The following SRGAP3 variants were observed in gnomAD, a reference collection of about 807,000 sequenced individuals.
The protein encoded by SRGAP3 is SLIT-ROBO Rho GTPase-activating protein 3.
Under a neutral mutation model 121.1 loss-of-function variants are expected in SRGAP3, and 39 were observed. The ratio of observed to expected loss-of-function variants is 0.32; its 90% CI spans 0.25 to 0.42. SRGAP3 has a LOEUF of 0.42. Ranked by LOEUF, SRGAP3 falls within the 10% of genes least tolerant of loss-of-function variation. SRGAP3 has a pLI of 1.00. For synonymous variants in SRGAP3, 601 were observed against 570.0 expected, an observed-to-expected ratio of 1.05 and a Z score of -0.77; for missense variants, 1,213 against 1,470.6, an observed-to-expected ratio of 0.82 and a Z score of 2.86.
chr3:9,115,642 AAAAAAAAAATTGT>A (rs2124949402), intron 2 of SRGAP3, among the ~76,000 whole-genome samples: 1 of 130,532 alleles, frequency 7.7e-6, no homozygotes, highest in East Asian at 2.0e-4. Context: ...CCCCTCATTT[AAAAAAAAAATTGT>A]GGAGGATAAA....
rs77622890 is a variant in SRGAP3 at position 9,027,379 on chromosome 3, A to T, written c.1540-384T>A. Among the ~76,000 whole-genome samples, 541 of 152,210 alleles carry T rather than the reference A, an allele frequency of 3.6e-3. 1 individual carries two copies. The highest frequency in any genetic ancestry group is 5.6e-3 in the Non-Finnish European group (382 of 68,002). ...TGTCCCAACTCAACACTATTTTCTC[A>T]GTGCTCAAGGATCAAGTCCTCATCC... is the stretch of plus-strand genomic sequence containing the variant. On this transcript the variant is annotated intron_variant, in intron 12 of 21. Transcript: ENST00000383836.
intron 1 of SRGAP3, among the ~76,000 whole-genome samples, chr3:9,238,971 C>T (rs185490483): frequency 2.6e-5 from 4 of 152,334 alleles, no homozygotes; most frequent in African/African-American, 9.6e-5. Context: ...TGATAAACCA[C>T]AACAGATGTC....
chr3:9,071,271 CCCT>C (rs748335980), intron 4 of SRGAP3, among the ~76,000 whole-genome samples: 82 of 152,216 alleles, frequency 5.4e-4, no homozygotes, highest in Non-Finnish European at 9.7e-4. Flanking sequence ...GGGAATAGCC[CCCT>C]AATTTTATTT....
intron 12 of SRGAP3, among the ~76,000 whole-genome samples, chr3:9,029,754 A>G (rs142497696): frequency 1.5e-3 from 233 of 152,330 alleles, no homozygotes; most frequent in African/African-American, 5.5e-3. Flanking sequence ...ACTGTGCTGT[A>G]AAACATTGAC....
intron 4 of SRGAP3, among the ~76,000 whole-genome samples, chr3:9,065,779 G>C (rs1423688666): frequency 2.0e-5 from 3 of 152,130 alleles, no homozygotes; most frequent in Non-Finnish European, 4.4e-5. Flanking sequence ...AGCTATTTTT[G>C]AATAAGGCTG....
chr3:9,191,009 T>C, intron 1 of SRGAP3, among the ~76,000 whole-genome samples: 1 of 152,182 alleles, frequency 6.6e-6, no homozygotes, highest in East Asian at 1.9e-4. Flanking sequence ...TTGGGAAGTC[T>C]TCCCTTACTC....
intron 1 of SRGAP3, among the ~76,000 whole-genome samples, chr3:9,214,070 C>G (rs959949176): frequency 5.3e-5 from 8 of 151,082 alleles, no homozygotes; most frequent in Non-Finnish European, 1.0e-4. Flanking sequence ...GTTACTTAAC[C>G]CTTTTATTGA....
At chr3:9,229,623 C>T (rs1276526872) in intron 1 of SRGAP3, among the ~76,000 whole-genome samples, 1 of 152,202 alleles carries the variant, frequency 6.6e-6, no homozygotes, top group Admixed American at 6.5e-5. Context: ...CCAAAAGCCA[C>T]TGGACAAGGG....
chr3:9,204,600 A>G (rs1284676941), intron 1 of SRGAP3, among the ~76,000 whole-genome samples: 1 of 152,060 alleles, frequency 6.6e-6, no homozygotes, highest in Non-Finnish European at 1.5e-5. Flanking sequence ...CCTCTGCCCC[A>G]GAGGGGGAAA....
intron 1 of SRGAP3, among the ~76,000 whole-genome samples, chr3:9,131,642 A>G (rs144338193): frequency 3.3e-5 from 5 of 151,888 alleles, no homozygotes; most frequent in African/African-American, 4.8e-5. Flanking sequence ...GGGTTTCACC[A>G]TGTTGGCCAG....
intron 2 of SRGAP3, among the ~76,000 whole-genome samples, chr3:9,122,759 A>G (rs1949063492): frequency 6.6e-6 from 1 of 151,920 alleles, no homozygotes; most frequent in Non-Finnish European, 1.5e-5. Flanking sequence ...GAAGCACGGT[A>G]TTTGCAAATG....
At chr3:9,267,272 A>C (rs1377087321) in intron 3 of SRGAP3, among the ~76,000 whole-genome samples, 1 of 152,184 alleles carries the variant, frequency 6.6e-6, no homozygotes, top group East Asian at 1.9e-4. Flanking sequence ...ACACCTTGTT[A>C]ATTGTGCCCA....
At chr3:8,991,039 T>C (rs986596214) in intron 20 of SRGAP3, among the ~76,000 whole-genome samples, 200 bp from the exon 21 acceptor site, 2 of 152,192 alleles carry the variant, frequency 1.3e-5, no homozygotes, top group Non-Finnish European at 2.9e-5. Flanking sequence ...GGAGGTCTAA[T>C]CTGTAAACAT....
At chr3:9,114,044 T>C (rs1948721466) in intron 2 of SRGAP3, among the ~76,000 whole-genome samples, 1 of 152,192 alleles carries the variant, frequency 6.6e-6, no homozygotes, top group Non-Finnish European at 1.5e-5. Context: ...GACAGAGTCA[T>C]CCTGAAGGGG....
At chr3:9,318,059 C>T (rs1265676289) in intron 3 of SRGAP3, among the ~76,000 whole-genome samples, 1 of 151,932 alleles carries the variant, frequency 6.6e-6, no homozygotes, top group Non-Finnish European at 1.5e-5. Flanking sequence ...ATATAACCTC[C>T]GCTAATTTGA....
chr3:9,180,192 G>A (rs181932025), intron 1 of SRGAP3, among the ~76,000 whole-genome samples: 5 of 152,256 alleles, frequency 3.3e-5, no homozygotes, highest in Non-Finnish European at 5.9e-5. Context: ...CAGTCACCTC[G>A]GCAGTGCAGG....
At chr3:9,141,037 A>T (rs550327287) in intron 1 of SRGAP3, among the ~76,000 whole-genome samples, 47 of 152,290 alleles carry the variant, frequency 3.1e-4, no homozygotes, top group African/African-American at 1.0e-3. Context: ...ATATATCCAG[A>T]TTCATTTTTT....
chr3:9,343,577 A>AG (rs1174282786), intron 1 of SRGAP3, among the ~76,000 whole-genome samples: 3 of 152,248 alleles, frequency 2.0e-5, no homozygotes, highest in Non-Finnish European at 2.9e-5. Context: ...CACAATTACT[A>AG]GTAGCATTGT....
At chr3:9,139,551 G>T (rs1158316816) in intron 1 of SRGAP3, among the ~76,000 whole-genome samples, 4 of 152,238 alleles carry the variant, frequency 2.6e-5, no homozygotes, top group African/African-American at 9.6e-5. Context: ...TTCTCCCCTA[G>T]AGCCGCTGGA....
Sources: allele counts gnomAD v4.1 joint callset (sites outside exome capture counted in the v4.1 genomes callset), GRCh38; gene constraint gnomAD v4.1.1; transcripts MANE v1.5; gene names NCBI Gene and HGNC (gene_info 2026-07-23, HGNC 2026-07-21).